Variants in CCDC40 observed in about 807,000 individuals in gnomAD.
CCDC40 encodes coiled-coil domain 40 molecular ruler complex subunit.
Under a neutral mutation model 124.5 loss-of-function variants are expected in CCDC40, and 104 were observed. The ratio of observed to expected loss-of-function variants is 0.84; its 90% CI spans 0.71 to 0.98. The LOEUF (loss-of-function observed/expected upper bound fraction) is 0.98. Among genes scored for constraint, CCDC40 ranks in the 50% least tolerant of loss-of-function variants. The pLI is 0.00. For missense variants in CCDC40, 1,463 were observed against 1,503.9 expected (o/e 0.97, Z 0.45); for synonymous variants, 580 against 602.9 (o/e 0.96, Z 0.56).
chr17:80,081,386 A>AT (rs1568705500), intron 10 of CCDC40, 160 bp from the exon 11 acceptor site: 35 of 487,930 alleles, frequency 7.2e-5, no homozygotes, highest in African/African-American at 8.5e-5. Context: ...CTCTGTCTCA[A>AT]AAAATAAATA....
chr17:80,073,415 C>G (rs1320725286), intron 10 of CCDC40, among the ~76,000 whole-genome samples: 1 of 152,208 alleles, frequency 6.6e-6, no homozygotes, highest in Non-Finnish European at 1.5e-5. Context: ...ATATTTCAAA[C>G]TTTTTCATTG....
intron 3 of CCDC40, among the ~76,000 whole-genome samples, chr17:80,042,568 G>A (rs2037310101): frequency 6.6e-6 from 1 of 152,110 alleles, no homozygotes; most frequent in Non-Finnish European, 1.5e-5. Flanking sequence ...TTGTAGAATC[G>A]GTAGGCTTTT....
intron 12 of CCDC40, among the ~76,000 whole-genome samples, chr17:80,082,984 A>G (rs939036576): frequency 1.3e-5 from 2 of 152,084 alleles, no homozygotes; most frequent in Non-Finnish European, 2.9e-5. Flanking sequence ...TGGGGTGGGG[A>G]GGCATATCTG....
rs771600966 is a variant in CCDC40, at chr17:80,067,719, C to T, written c.1562+2113C>T. On this transcript the variant is annotated intron_variant, in intron 10 of 19. Coordinates refer to ENST00000397545, the MANE Select transcript of CCDC40 (RefSeq NM_017950.4). The stretch of plus-strand genomic sequence containing the variant: ...ATGCTATATAGCCTTTTTTATATTG[C>T]CTATCAAGCCCGGAATGTCTGGGTC... 59 of 1,523,052 alleles carry T rather than the reference C, an allele frequency of 3.9e-5. No homozygotes were observed. In the South Asian group the frequency reaches 6.8e-4, roughly 18 times the overall value. The allele number at this position is 1,523,052 out of a possible 1,614,324, so 94.3% of individuals were successfully genotyped here. A position where few individuals can be genotyped will look rare whatever the true frequency, so the allele number is the denominator to read the frequency against.
At chr17:80,078,241 G>A (rs1050621216) in intron 10 of CCDC40, among the ~76,000 whole-genome samples, 3 of 148,850 alleles carry the variant, frequency 2.0e-5, no homozygotes, top group Non-Finnish European at 3.0e-5. Flanking sequence ...TGAGGCAGGA[G>A]AATGGCATGA....
chr17:80,096,070 G>A (rs1401576201), intron 18 of CCDC40, among the ~76,000 whole-genome samples: 4 of 152,244 alleles, frequency 2.6e-5, no homozygotes, highest in African/African-American at 4.8e-5. Flanking sequence ...CCACAGCCCC[G>A]CTGACCCGCT....
At chr17:80,098,978 CAA>C (rs149775682) in intron 19 of CCDC40, 7,993 of 122,132 alleles carry the variant, frequency 0.065, 297 homozygotes, top group East Asian at 0.17. Flanking sequence ...GAGACAGCCT[CAA>C]AAAAAAAAAA....
In CCDC40 at chr17:80,047,299, C is replaced by G. The variant is rs1216359470; in HGVS notation, c.573C>G (p.Pro191=). The G allele has an allele frequency of 5.6e-6, 9 of 1,614,016 alleles. No homozygotes were observed. Among genetic ancestry groups the G allele is most frequent in the Non-Finnish European group, 6.8e-6 (8 of 1,179,936 alleles). Residue 191 remains proline (P), a synonymous_variant, in exon 4 of 20, where the codon CCC becomes CCG. Transcript: ENST00000397545. The stretch of plus-strand genomic sequence containing the variant: ...CATAGACAGGATCCACAGAGGAGCC[C>G]CAGGGGCAGGTGCTCCCAATGGGCG... The part of the protein sequence containing the change: ...VGRLTGSTEE[P]QGQVLPMGVQ...
intron 10 of CCDC40, chr17:80,067,488 CT>C: frequency 1.9e-6 from 2 of 1,079,810 alleles, no homozygotes; most frequent in Non-Finnish European, 2.7e-6. Context: ...CACCTCTTTG[CT>C]TTTTCCATTT....
intron 7 of CCDC40, among the ~76,000 whole-genome samples, chr17:80,054,597 A>C (rs2037690566): frequency 6.6e-6 from 1 of 152,244 alleles, no homozygotes; most frequent in Non-Finnish European, 1.5e-5. Context: ...GTTAGCAAAA[A>C]TAAGTAGGAT....
Position 80,086,186 on chromosome 17 carries a change from A to G in CCDC40, c.2419A>G (p.Ile807Val). 6.2e-7 allele frequency: 1 copy of G among 1,612,414 alleles called. No homozygotes were observed. Among genetic ancestry groups the G allele is most frequent in the Non-Finnish European group, 8.5e-7 (1 of 1,179,270 alleles). Residue 807 changes from isoleucine to valine, a missense_variant, in exon 14 of 20, where the codon ATC (isoleucine) becomes GTC (valine). By Grantham distance (29) the Ile-to-Val change is conservative. Coordinates refer to ENST00000397545, the MANE Select transcript of CCDC40 (RefSeq NM_017950.4). This position sits in a 1 kb window ranked among gnomAD's most constrained non-coding sequence, Gnocchi z 5.5. ...SLDASKKELH[I>V]MEQKKLRVES... ...GGACGCATCCAAGAAGGAGCTCCAC[A>G]TCATGGAGCAGAAGAAACTACGAGT...
intron 10 of CCDC40, among the ~76,000 whole-genome samples, 169 bp downstream of exon 10, chr17:80,065,775 T>A (rs1386346673): frequency 6.6e-6 from 1 of 152,214 alleles, no homozygotes; most frequent in Non-Finnish European, 1.5e-5. Context: ...TTTGGTAAGA[T>A]TTCAGCGATT....
Position 80,048,605 on chromosome 17 carries a change from T to C in CCDC40, c.699T>C (p.Asp233=), listed in dbSNP as rs9893189. 1.1e-4 allele frequency: 177 copies of C among 1,613,694 alleles called. 1 individual carries two copies. In the African/African-American group the frequency reaches 2.2e-3, roughly 20 times the overall value. Residue 233 remains aspartate (D), a synonymous_variant, in exon 5 of 20, where the codon GAT becomes GAC. Transcript: ENST00000397545. ...CAGTGATCCCCCCAGGGGTGCCCGA[T>C]GCCCACCCCAGGGAAGGAGACCTGC... is the stretch of plus-strand genomic sequence containing the variant. ...QEPVIPPGVP[D]AHPREGDLPV...
intron 10 of CCDC40, chr17:80,067,356 G>A (rs2038072076): frequency 1.7e-6 from 1 of 591,894 alleles, no homozygotes; most frequent in African/African-American, 1.9e-5. Flanking sequence ...GACAAGCAAA[G>A]GCACCTGGTT....
chr17:80,043,276 G>T (rs754147904), intron 3 of CCDC40, among the ~76,000 whole-genome samples: 20 of 152,262 alleles, frequency 1.3e-4, no homozygotes, highest in South Asian at 4.1e-4. Flanking sequence ...CTTAGAATCA[G>T]ACATTTCTCC....
chr17:80,045,433 G>A (rs1052779354), intron 3 of CCDC40, among the ~76,000 whole-genome samples: 5 of 152,150 alleles, frequency 3.3e-5, no homozygotes, highest in African/African-American at 7.2e-5. Flanking sequence ...AATGGATGCC[G>A]GGCACAGTGG....
chr17:80,094,745 C>T (rs2038777496), intron 17 of CCDC40, among the ~76,000 whole-genome samples: 1 of 152,132 alleles, frequency 6.6e-6, no homozygotes, highest in South Asian at 2.1e-4. Context: ...GCGCACACAT[C>T]TACGTAGCCA....
At chr17:80,072,410 C>T (rs1347642144) in intron 10 of CCDC40, among the ~76,000 whole-genome samples, 3 of 152,268 alleles carry the variant, frequency 2.0e-5, no homozygotes, top group Non-Finnish European at 4.4e-5. Context: ...CTCAGGCACA[C>T]ATTTCCCCGA....
chr17:80,090,221 CGGGACGCGCGCAGGCACGTGCACGAACAA>C, intron 17 of CCDC40: 1 of 881,646 alleles, frequency 1.1e-6, no homozygotes, highest in Non-Finnish European at 1.6e-6. Flanking sequence ...ACGAAGAACA[CGGGACGCGCGCAGGCACGTGCACGAACAA>C]CACGGGACGC....
Sources: allele counts gnomAD v4.1 joint callset (sites outside exome capture counted in the v4.1 genomes callset), GRCh38; gene constraint gnomAD v4.1.1; non-coding constraint Gnocchi (gnomAD v3.1); transcripts MANE v1.5; gene names NCBI Gene and HGNC (gene_info 2026-07-23, HGNC 2026-07-21).